Variants in PKNOX1 observed in about 807,000 individuals in gnomAD.
The protein encoded by PKNOX1 is homeobox protein PKNOX1.
Under a neutral mutation model 51.9 loss-of-function variants are expected in PKNOX1, and 15 were observed. That is an observed-to-expected ratio of 0.29 (90% CI 0.19 to 0.45). PKNOX1 has a LOEUF of 0.45. Among genes scored for constraint, PKNOX1 ranks in the 20% least tolerant of loss-of-function variants. PKNOX1 has a pLI of 1.00. For missense variants in PKNOX1, 462 were observed against 547.5 expected, an observed-to-expected ratio of 0.84 and a Z score of 1.56; for synonymous variants, 219 against 211.1, an observed-to-expected ratio of 1.04 and a Z score of -0.32.
chr21:43,019,410 A>AAC (rs1256643447), intron 7 of PKNOX1, among the ~76,000 whole-genome samples: 2 of 2,940 alleles, frequency 6.8e-4, no homozygotes, highest in African/African-American at 2.1e-3. Context: ...TAAAATAAAC[A>AAC]AAAAAAAAAC....
chr21:42,977,500 T>G (rs2059003079), intron 1 of PKNOX1, among the ~76,000 whole-genome samples: 1 of 151,868 alleles, frequency 6.6e-6, no homozygotes, highest in Non-Finnish European at 1.5e-5. Flanking sequence ...ACAGCTTCTT[T>G]CCTTAAACCT....
At chr21:43,028,975 T>G (rs1451201907) in intron 10 of PKNOX1, 101 bp downstream of exon 10, 1 of 1,257,432 alleles carries the variant, frequency 8.0e-7, no homozygotes, top group Admixed American at 1.8e-5. Context: ...TCAGGTAATG[T>G]GGTGAACGAG....
rs1980316752 is a variant in PKNOX1, at chr21:43,032,419, C to A, written c.*2318C>A. The A allele has an allele frequency of 1.7e-5, 5 of 296,880 alleles. No individual in the cohort carries two copies. Among genetic ancestry groups the A allele is most frequent in the South Asian group, 1.4e-4 (5 of 35,162 alleles). 18.4% of individuals were successfully genotyped at this position (296,880 alleles called of 1,614,324 possible). ...TGTATAGGTCACCGTTTCTTTCCCCCACTAGAAATCACATTCACTAAGCAG... is the reference window on the plus strand; with the variant it reads ...TGTATAGGTCACCGTTTCTTTCCCCAACTAGAAATCACATTCACTAAGCAG... On this transcript the variant is annotated 3_prime_UTR_variant, in exon 11 of 11. Transcript: ENST00000291547.
intron 1 of PKNOX1, among the ~76,000 whole-genome samples, chr21:42,992,441 C>T (rs1207482658): frequency 3.3e-5 from 5 of 152,114 alleles, no homozygotes; most frequent in African/African-American, 1.2e-4. Flanking sequence ...TGTGAACCCC[C>T]CGGTCACACT....
At chr21:43,016,821 G>C in intron 5 of PKNOX1, 87 bp from the exon 6 acceptor site, 1 of 765,114 alleles carries the variant, frequency 1.3e-6, no homozygotes. Flanking sequence ...TTTTTTAATG[G>C]TGTCATTATG....
In PKNOX1 at chr21:42,992,943, T is replaced by G. The variant is rs148430167; in HGVS notation, c.-56-11383T>G. Among the ~76,000 whole-genome samples, 393 of 141,740 alleles carry G rather than the reference T, an allele frequency of 2.8e-3. 2 individuals carry two copies. Among genetic ancestry groups the G allele is most frequent in the African/African-American group, 9.4e-3 (358 of 38,164 alleles). The allele number at this position is 141,740 out of a possible 152,430, so 93.0% of individuals were successfully genotyped here. ...TCCTCAGCACTGGGGGTCTCCTTTA[T>G]GTCATTAGGGGGCTTTCTCATAGCA... On this transcript the variant is annotated intron_variant, in intron 1 of 10. Transcript: ENST00000291547.
At chr21:43,007,665 T>C (rs368341708) in intron 3 of PKNOX1, 47 bp downstream of exon 3, 2 of 1,607,000 alleles carry the variant, frequency 1.2e-6, no homozygotes, top group Non-Finnish European at 1.7e-6. Flanking sequence ...GAGTGAGGAG[T>C]GTCCACAAGT....
chr21:43,016,754 C>T (rs371199429), intron 5 of PKNOX1, among the ~76,000 whole-genome samples, 154 bp from the exon 6 acceptor site: 1 of 152,290 alleles, frequency 6.6e-6, no homozygotes, highest in African/African-American at 2.4e-5. Flanking sequence ...GTGTGTGCTG[C>T]GTGCATTCTG....
chr21:42,975,135 C>T (rs2058986763), intron 1 of PKNOX1, among the ~76,000 whole-genome samples: 1 of 144,754 alleles, frequency 6.9e-6, no homozygotes, highest in African/African-American at 2.5e-5. Context: ...GGGCGGGCGG[C>T]GCGCGTGGGG....
chr21:42,994,041 T>C (rs1451851980), intron 1 of PKNOX1, among the ~76,000 whole-genome samples: 1 of 148,446 alleles, frequency 6.7e-6, no homozygotes, highest in East Asian at 2.0e-4. Context: ...CTTTTTTTTT[T>C]TTTTTTTTTT....
intron 1 of PKNOX1, among the ~76,000 whole-genome samples, chr21:42,983,365 A>T (rs546258080): frequency 9.2e-5 from 14 of 152,142 alleles, no homozygotes; most frequent in African/African-American, 3.4e-4. Context: ...TACTATAGGG[A>T]CTTCATACCA....
At chr21:43,023,073 T>A (rs1979832911) in intron 8 of PKNOX1, among the ~76,000 whole-genome samples, 1 of 152,004 alleles carries the variant, frequency 6.6e-6, no homozygotes, top group Non-Finnish European at 1.5e-5. Context: ...GCGTCCTCAG[T>A]CCCTCCTCAC....
chr21:43,023,429 G>T (rs1979850465), intron 8 of PKNOX1, among the ~76,000 whole-genome samples: 1 of 152,076 alleles, frequency 6.6e-6, no homozygotes, highest in Non-Finnish European at 1.5e-5. Flanking sequence ...AACTCTCACT[G>T]CTGACTTTGC....
In PKNOX1 at chr21:43,032,838, G is replaced by C. The variant is rs234740; in HGVS notation, c.*2737G>C. The C allele has an allele frequency of 0.24, 36,876 of 152,104 alleles. 4,834 individuals carry two copies. Among genetic ancestry groups the C allele is most frequent in the Non-Finnish European group, 0.29 (19,896 of 67,976 alleles). The allele number at this position is 152,104 out of a possible 1,614,324, so 9.4% of individuals were successfully genotyped here. A position where few individuals can be genotyped will look rare whatever the true frequency, so the allele number is the denominator to read the frequency against. On this transcript the variant is annotated 3_prime_UTR_variant, in exon 11 of 11. Transcript: ENST00000291547. ...AGCCTGAGTTTCCTTTAACCTCTCT[G>C]CAATGGGTGCTTTTAACTAGCTTCT...
chr21:42,976,086 T>A (rs1166582858), intron 1 of PKNOX1, among the ~76,000 whole-genome samples: 1 of 152,202 alleles, frequency 6.6e-6, no homozygotes, highest in Non-Finnish European at 1.5e-5. Flanking sequence ...CCTGTCCTTG[T>A]ACACAGGCGT....
intron 10 of PKNOX1, chr21:43,029,088 A>G: frequency 1.7e-6 from 1 of 598,922 alleles, no homozygotes; most frequent in South Asian, 2.0e-5. Flanking sequence ...TAGAGAATGT[A>G]AAACACGTGA....
intron 1 of PKNOX1, among the ~76,000 whole-genome samples, chr21:42,989,614 T>C (rs2059075131): frequency 6.6e-6 from 1 of 152,050 alleles, no homozygotes; most frequent in Non-Finnish European, 1.5e-5. Flanking sequence ...AGATGGGGTT[T>C]CACCACGTTG....
At chr21:42,998,301 C>A (rs996522816) in intron 1 of PKNOX1, among the ~76,000 whole-genome samples, 2 of 152,058 alleles carry the variant, frequency 1.3e-5, no homozygotes, top group Non-Finnish European at 2.9e-5. Flanking sequence ...AAAAGACTTG[C>A]CCCCATGATT....
rs116569657 is a variant in PKNOX1, at chr21:42,980,072, A to G, written c.-57+5408A>G. The stretch of plus-strand genomic sequence containing the variant: ...TTAACGTTTCTCTGGCAGTAACTTT[A>G]GAAAAGTACTACTTGTGAGGCCAGG... On this transcript the variant is annotated intron_variant, in intron 1 of 10. Coordinates refer to ENST00000291547, the MANE Select transcript of PKNOX1 (RefSeq NM_004571.5). 3.1e-3 allele frequency among the ~76,000 whole-genome samples: 473 copies of G among 152,284 alleles called. 3 individuals carry two copies. The highest frequency in any genetic ancestry group is 0.011 in the African/African-American group (451 of 41,554).
Sources: gnomAD v4.1 joint callset for allele counts (sites outside exome capture counted in the v4.1 genomes callset) on GRCh38, gnomAD v4.1.1 for gene constraint, MANE v1.5 for transcripts, NCBI Gene and HGNC (gene_info 2026-07-23, HGNC 2026-07-21) for gene names.